The following ABCC6 variants were observed in gnomAD, a reference collection of about 807,000 sequenced individuals.
The protein encoded by ABCC6 is ATP-binding cassette sub-family C member 6.
ABCC6 carries 126 observed loss-of-function variants against 169.5 expected under a neutral mutation model. The observed-to-expected ratio is 0.74, with a 90% CI of 0.64 to 0.86. The LOEUF is 0.86. Among genes scored for constraint, ABCC6 ranks in the 40% least tolerant of loss-of-function variants. ABCC6 has a pLI of 0.00. For synonymous variants in ABCC6, 752 were observed against 814.7 expected (o/e 0.92, Z 1.31); for missense variants, 1,733 against 1,927.2 (o/e 0.90, Z 1.89).
chr16:16,191,629 T>G (rs1359931992), intron 11 of ABCC6, among the ~76,000 whole-genome samples: 1 of 121,736 alleles, frequency 8.2e-6, no homozygotes, highest in Non-Finnish European at 1.7e-5. Context: ...TTCCTTTGCT[T>G]TCTTCCCTCT....
At position 16,221,799 on chromosome 16, in the gene ABCC6, G is replaced by A. The variant is rs1056096031; in HGVS notation, c.69C>T (p.Ala23=). ...GGAAGCACAGGCTCAGCAGGCTGGT[G>A]GCGGCAGGTTCAGGCTCTGTCTGGT... is the stretch of plus-strand genomic sequence containing the variant. The part of the protein sequence containing the change: ...VWNQTEPEPA[A]TSLLSLCFLR... The change falls in exon 2 of 31, where the codon GCC becomes GCT. Residue 23 remains alanine (A), a synonymous_variant. Transcript: ENST00000205557. 9.3e-6 allele frequency: 15 copies of A among 1,613,472 alleles called. No individual in the cohort carries two copies. In the African/African-American group the frequency reaches 1.9e-4, roughly 20 times the overall value.
chr16:16,182,554 AC>A lies in ABCC6; in HGVS notation c.2104del (p.Val702CysfsTer7), dbSNP rs778327274. 1 of 1,613,226 alleles carries A rather than the reference AC, an allele frequency of 6.2e-7. No individual in the cohort carries two copies. The highest frequency in any genetic ancestry group is 8.5e-7 in the Non-Finnish European group (1 of 1,179,388). ...AVAYVPQEAW[V>X]QNTSVVENVC... Reference sequence around the variant, plus strand: ...ATTCTCTACCACAGAGGTGTTCTGCACCCAGGCCTCCTGGGGCACGTAGGCC... The same window carrying A: ...ATTCTCTACCACAGAGGTGTTCTGCACCAGGCCTCCTGGGGCACGTAGGCC... On this transcript the variant is annotated frameshift_variant, in exon 17 of 31. Coordinates refer to ENST00000205557, the MANE Select transcript of ABCC6 (RefSeq NM_001171.6). LOFTEE classifies it high-confidence loss of function.
chr16:16,197,334 G>C lies in ABCC6; in HGVS notation c.1338+687C>G, dbSNP rs138624134. 2.2e-3 allele frequency among the ~76,000 whole-genome samples: 342 copies of C among 152,202 alleles called. 8 individuals carry two copies. The East Asian group carries it at 0.044, about 20-fold the overall frequency. Reference sequence around the variant, plus strand: ...GGGTGAACTTCCTGCCCAAGGTCAAGTGAAGGTCATCCTTATTGAGGACTT... The same window carrying C: ...GGGTGAACTTCCTGCCCAAGGTCAACTGAAGGTCATCCTTATTGAGGACTT... On this transcript the variant is annotated intron_variant, in intron 10 of 30. Transcript: ENST00000205557.
At chr16:16,197,285 A>G (rs1002788736) in intron 10 of ABCC6, among the ~76,000 whole-genome samples, 5 of 152,004 alleles carry the variant, frequency 3.3e-5, no homozygotes, top group Non-Finnish European at 7.4e-5. Context: ...TCATCTTTCT[A>G]CAGAGGAAAC....
chr16:16,205,040 T>TAGC (rs1215477187), intron 7 of ABCC6, among the ~76,000 whole-genome samples: 1 of 152,020 alleles, frequency 6.6e-6, no homozygotes, highest in Non-Finnish European at 1.5e-5. Context: ...TTCACAACGT[T>TAGC]AGCCAGGCTG....
chr16:16,219,589 G>T lies in ABCC6; in HGVS notation c.439C>A (p.Pro147Thr), dbSNP rs980998558. The change falls in exon 4 of 31, where the codon CCA (proline) becomes ACA (threonine). Residue 147 changes from proline to threonine, a missense_variant. By Grantham distance (38) the Pro-to-Thr change is conservative. Around this residue, in one of 5 missense-constraint regions of ABCC6, gnomAD observed 17 missense variants for 108.1 expected, o/e 0.16. Transcript: ENST00000205557. The part of the protein sequence containing the change: ...FGYWLLCFVL[P>T]ATNAAQQASG... ...GCCTGCTGGGCAGCGTTGGTAGCTG[G>T]CAAGACAAAGCAGAGAAGCCAGTAA... 1.3e-6 allele frequency: 2 copies of T among 1,564,178 alleles called. No individual in the cohort carries two copies. Among genetic ancestry groups the T allele is most frequent in the Admixed American group, 1.8e-5 (1 of 54,730 alleles).
chr16:16,213,757 T>C (rs539582151), intron 5 of ABCC6, among the ~76,000 whole-genome samples: 3 of 147,000 alleles, frequency 2.0e-5, no homozygotes, highest in East Asian at 4.0e-4. Flanking sequence ...GATGAGGCTT[T>C]ACCATGTTGG....
At chr16:16,178,231 G>A (rs2047348603) in intron 18 of ABCC6, among the ~76,000 whole-genome samples, 1 of 152,082 alleles carries the variant, frequency 6.6e-6, no homozygotes, top group Non-Finnish European at 1.5e-5. Flanking sequence ...GGAGGCTGAG[G>A]CAGGAGAATG....
intron 4 of ABCC6, among the ~76,000 whole-genome samples, chr16:16,215,865 G>A (rs1358143351): frequency 1.3e-5 from 2 of 152,072 alleles, no homozygotes; most frequent in Middle Eastern, 3.2e-3. Context: ...CTCCATCCCC[G>A]CAATCATTTA....
At position 16,161,511 on chromosome 16, in the gene ABCC6, G is replaced by T. The variant is rs1293676720; in HGVS notation, c.3560C>A (p.Ala1187Asp). Reference protein sequence around the residue: ...LLGNGLVFAAATCAVLSKAHL... With the variant: ...LLGNGLVFAADTCAVLSKAHL... ...GGCTTTGCTCAGCACAGCACACGTG[G>T]CAGCTGCAAACACCAGGCCATTCCC... Residue 1187 changes from alanine (A) to aspartate (D), a missense_variant, in exon 25 of 31, where the codon GCC (alanine) becomes GAC (aspartate). Transcript: ENST00000205557. 3 of 1,613,960 alleles carry T rather than the reference G, an allele frequency of 1.9e-6. No individual in the cohort carries two copies. Among genetic ancestry groups the T allele is most frequent in the Non-Finnish European group, 2.5e-6 (3 of 1,180,034 alleles).
chr16:16,185,559 G>GCA (rs2047629059), intron 14 of ABCC6, among the ~76,000 whole-genome samples: 1 of 152,154 alleles, frequency 6.6e-6, no homozygotes, highest in African/African-American at 2.4e-5. Context: ...AGAGGTGGTA[G>GCA]GATCACTTGA....
intron 9 of ABCC6, among the ~76,000 whole-genome samples, 199 bp from the exon 10 acceptor site, chr16:16,198,381 C>T (rs1478499643): frequency 2.6e-5 from 4 of 152,174 alleles, no homozygotes; most frequent in Non-Finnish European, 1.5e-5. Context: ...CCCTAAAGCA[C>T]GGGAGGCATA....
chr16:16,158,713 G>C (rs1360102142), intron 26 of ABCC6, among the ~76,000 whole-genome samples: 1 of 151,908 alleles, frequency 6.6e-6, no homozygotes, highest in Non-Finnish European at 1.5e-5. Flanking sequence ...CTATAATGTT[G>C]CTGTTTTCTT....
At chr16:16,158,524 C>A (rs1374853025) in intron 26 of ABCC6, among the ~76,000 whole-genome samples, 1 of 152,134 alleles carries the variant, frequency 6.6e-6, no homozygotes, top group African/African-American at 2.4e-5. Context: ...CCATCTCTCA[C>A]CATTTCTTCT....
At chr16:16,217,554 TA>T (rs2048924000) in intron 4 of ABCC6, among the ~76,000 whole-genome samples, 1 of 152,010 alleles carries the variant, frequency 6.6e-6, no homozygotes, top group Non-Finnish European at 1.5e-5. Context: ...TATTTCTATT[TA>T]AAAAAATAAA....
At chr16:16,155,952 A>C (rs1407873474) in intron 27 of ABCC6, among the ~76,000 whole-genome samples, 1 of 151,392 alleles carries the variant, frequency 6.6e-6, no homozygotes, top group Non-Finnish European at 1.5e-5. Flanking sequence ...GTCTTGCTCT[A>C]TTGCCCAGGC....
chr16:16,213,558 C>CTTTTT (rs61603385), intron 5 of ABCC6, among the ~76,000 whole-genome samples: 1 of 72,384 alleles, frequency 1.4e-5, no homozygotes, highest in Non-Finnish European at 2.8e-5. Flanking sequence ...CTTTTTCCTT[C>CTTTTT]TTTTTTTTTT....
intron 24 of ABCC6, among the ~76,000 whole-genome samples, chr16:16,162,694 A>C (rs755396137): frequency 2.0e-4 from 30 of 152,212 alleles, no homozygotes; most frequent in Non-Finnish European, 3.7e-4. Context: ...GTTCTTGCTT[A>C]GTACCTAAAG....
intron 27 of ABCC6, among the ~76,000 whole-genome samples, chr16:16,156,942 CAAA>C (rs33984541): frequency 9.1e-4 from 92 of 101,148 alleles, no homozygotes; most frequent in East Asian, 5.6e-3. Flanking sequence ...GACTCTGTCT[CAAA>C]AAAAAAAAAA....
Sources: allele counts gnomAD v4.1 joint callset (sites outside exome capture counted in the v4.1 genomes callset), GRCh38; gene constraint gnomAD v4.1.1; regional missense constraint gnomAD v4.1.1; transcripts MANE v1.5; gene names NCBI Gene and HGNC (gene_info 2026-07-23, HGNC 2026-07-21).